The following PKLR variants were observed in gnomAD, a reference collection of about 807,000 sequenced individuals.
PKLR encodes the protein pyruvate kinase PKLR.
Under a neutral mutation model 53.6 loss-of-function variants are expected in PKLR, and 38 were observed. That is an observed-to-expected ratio of 0.71 (90% CI 0.55 to 0.93). The LOEUF (loss-of-function observed/expected upper bound fraction) is 0.93. Among genes scored for constraint, PKLR ranks in the 40% least tolerant of loss-of-function variants. The probability of loss-of-function intolerance (pLI) is 0.00; values close to 1 mark genes in which losing one functional copy is unlikely to be tolerated. For synonymous variants in PKLR, 328 were observed against 316.2 expected, an observed-to-expected ratio of 1.04 and a Z score of -0.39; for missense variants, 702 against 787.3, an observed-to-expected ratio of 0.89 and a Z score of 1.30.
chr1:155,298,974 CTT>C (rs1283904823), intron 2 of PKLR, among the ~76,000 whole-genome samples: 1 of 79,928 alleles, frequency 1.3e-5, no homozygotes, highest in Non-Finnish European at 2.3e-5. Context: ...TTCTTTCTTT[CTT>C]TCTTTCTTTC....
intron 2 of PKLR, among the ~76,000 whole-genome samples, chr1:155,296,192 C>T (rs1184969368): frequency 1.3e-5 from 2 of 152,154 alleles, no homozygotes; most frequent in Non-Finnish European, 2.9e-5. Flanking sequence ...TGCTATGGGG[C>T]AGCTGCTAGC....
Position 155,291,780 on chromosome 1 carries a change from G to A in PKLR, c.1594C>T (p.Arg532Trp), listed in dbSNP as rs201255024. ...CCACTTTCAATGCCAAATTGCACCC[G>A]GCGATCTACATCATCTGCCCAGATG... ...EAIWADDVDR[R>W]VQFGIESGKL... is the part of the protein sequence containing the mutation. The change falls in exon 10 of 11, where the codon CGG becomes TGG. Residue 532 changes from arginine to tryptophan, a missense_variant. Coordinates refer to ENST00000342741, the MANE Select transcript of PKLR (RefSeq NM_000298.6). The A allele has an allele frequency of 8.1e-6, 13 of 1,613,828 alleles. No homozygotes were observed. Among genetic ancestry groups the A allele is most frequent in the South Asian group, 2.2e-5 (2 of 91,078 alleles).
At chr1:155,291,648 C>G in intron 10 of PKLR, 108 bp downstream of exon 10, 1 of 948,642 alleles carries the variant, frequency 1.1e-6, no homozygotes, top group Non-Finnish European at 1.7e-6. Flanking sequence ...CAGGGAAAAC[C>G]TGGGACCACA....
In PKLR at chr1:155,294,732, G is replaced by A; in HGVS notation, c.715C>T (p.Gln239Ter). 6.2e-7 allele frequency: 1 copy of A among 1,613,956 alleles called. No individual in the cohort carries two copies. The change falls in exon 6 of 11, where the codon CAA (glutamine) becomes TAA (stop). Residue 239 changes from glutamine to a stop codon, truncating the protein, a stop_gained. Coordinates refer to ENST00000342741, the MANE Select transcript of PKLR (RefSeq NM_000298.6). LOFTEE classifies it high-confidence loss of function. ...QKIGPEGLVT[Q>*]VENGGVLGSR... ...CCCAGGACGCCGCCGTTCTCCACTTGGGTCACCAGTCCCTCTGGGCCTGCG... is the reference window on the plus strand; with the variant it reads ...CCCAGGACGCCGCCGTTCTCCACTTAGGTCACCAGTCCCTCTGGGCCTGCG...
Position 155,293,128 on chromosome 1 carries a change from C to A in PKLR, c.1436+49G>T. 6.3e-7 allele frequency: 1 copy of A among 1,582,680 alleles called. No individual in the cohort carries two copies. Among genetic ancestry groups the A allele is most frequent in the South Asian group, 1.1e-5 (1 of 90,520 alleles). On this transcript the variant is annotated intron_variant, in intron 9 of 10. Transcript: ENST00000342741. The surrounding 1 kb of genome is among the most constrained non-coding windows in gnomAD (Gnocchi z 4.2). Reference sequence around the variant, plus strand: ...ACCCAAGCCTGGGGCCCGTCCCAGCCCACCCCTGACCCAAAGCTCCATCTG... The same window carrying A: ...ACCCAAGCCTGGGGCCCGTCCCAGCACACCCCTGACCCAAAGCTCCATCTG...
chr1:155,298,632 TTC>T (rs1294976197), intron 2 of PKLR, among the ~76,000 whole-genome samples: 1,918 of 150,824 alleles, frequency 0.013, 47 homozygotes, highest in African/African-American at 0.045. Context: ...CAGCTTTTTT[TTC>T]TTTTTTTAAA....
chr1:155,300,813 C>T lies in PKLR; in HGVS notation c.100+483G>A, dbSNP rs1647949488. 1.2e-5 allele frequency: 19 copies of T among 1,576,488 alleles called. No individual in the cohort carries two copies. In the South Asian group the frequency reaches 1.9e-4, roughly 16 times the overall value. On this transcript the variant is annotated intron_variant, in intron 1 of 10. Transcript: ENST00000342741. ...AGTCTCCCCAGGCTTCTCAAAGCTGCTACAGACACAGAGGTCCCTGTAGCT... is the reference window on the plus strand; with the variant it reads ...AGTCTCCCCAGGCTTCTCAAAGCTGTTACAGACACAGAGGTCCCTGTAGCT...
intron 7 of PKLR, 56 bp downstream of exon 7, chr1:155,294,179 C>A: frequency 6.3e-7 from 1 of 1,581,694 alleles, no homozygotes; most frequent in Non-Finnish European, 8.7e-7. Flanking sequence ...TGGGTATTCA[C>A]CCACAGGTGT....
the PKLR span, among the ~76,000 whole-genome samples, chr1:155,308,372 C>T: frequency 3.3e-5 from 5 of 152,088 alleles, no homozygotes; most frequent in Admixed American, 6.6e-5. Context: ...CGGCCCAAGA[C>T]TCATCTTTCT....
At chr1:155,291,252 C>T (rs920079533) in intron 10 of PKLR, among the ~76,000 whole-genome samples, 20 of 152,014 alleles carry the variant, frequency 1.3e-4, no homozygotes, top group Non-Finnish European at 2.6e-4. Flanking sequence ...AATCCCAGCA[C>T]TCTGGGAGTC....
chr1:155,298,471 G>A (rs1468551908), intron 2 of PKLR, among the ~76,000 whole-genome samples: 4 of 151,708 alleles, frequency 2.6e-5, no homozygotes, highest in Admixed American at 1.3e-4. Flanking sequence ...TGGGATTACA[G>A]GCATGCACCA....
In PKLR at chr1:155,290,684, G is replaced by A. The variant is rs374329329; in HGVS notation, c.1619-6C>T. On this transcript the variant is annotated splice_region_variant and splice_polypyrimidine_tract_variant and intron_variant, in intron 10 of 10. Coordinates refer to ENST00000342741, the MANE Select transcript of PKLR (RefSeq NM_000298.6). ...GAGGAAGCCACGGAGCTTTCCTGGG[G>A]GAGGGAAAGAAAACAAATCATTGGA... 1 of 1,573,740 alleles carries A rather than the reference G, an allele frequency of 6.4e-7. No homozygotes were observed.
rs1321513395 is a variant in PKLR, at chr1:155,299,030, CTTTCT to C, written c.283+1063_283+1067del. On this transcript the variant is annotated intron_variant, in intron 2 of 10. Coordinates refer to ENST00000342741, the MANE Select transcript of PKLR (RefSeq NM_000298.6). ...TCTTTCTTTCTTTCTTTCTTTCTTTCTTTCTCTTTCTTTCTTTCTTTCCTTCCTTC... is the reference window on the plus strand; with the variant it reads ...TCTTTCTTTCTTTCTTTCTTTCTTTCCTTTCTTTCTTTCTTTCCTTCCTTC... Among the ~76,000 whole-genome samples, 650 of 84,718 alleles carry C rather than the reference CTTTCT, an allele frequency of 7.7e-3. 18 individuals are homozygous for C. Among genetic ancestry groups the C allele is most frequent in the Non-Finnish European group, 0.012 (543 of 43,566 alleles). 55.6% of individuals were successfully genotyped at this position (84,718 alleles called of 152,430 possible). A position where few individuals can be genotyped will look rare whatever the true frequency, so the allele number is the denominator to read the frequency against.
intron 2 of PKLR, among the ~76,000 whole-genome samples, chr1:155,296,687 CCTA>C (rs1647620815): frequency 6.6e-6 from 1 of 152,020 alleles, no homozygotes; most frequent in Non-Finnish European, 1.5e-5. Flanking sequence ...CGCAGGTAAA[CCTA>C]CTGTTATTTC....
upstream of PKLR, among the ~76,000 whole-genome samples, chr1:155,303,809 C>G (rs1414383491): frequency 6.6e-6 from 1 of 151,734 alleles, no homozygotes; most frequent in Non-Finnish European, 1.5e-5. Context: ...ATATTTTAGA[C>G]AAGATGAGAT....
rs1647326651 is a variant in PKLR, at chr1:155,293,282, G to C, written c.1331C>G (p.Ala444Gly). The change falls in exon 9 of 11, where the codon GCA (alanine) becomes GGA (glycine). Residue 444 changes from alanine to glycine, a missense_variant. Ala to Gly is a moderately conservative substitution (Grantham distance 60). Coordinates refer to ENST00000342741, the MANE Select transcript of PKLR (RefSeq NM_000298.6). This position sits in a 1 kb window ranked among gnomAD's most constrained non-coding sequence, Gnocchi z 4.2. Reference sequence around the variant, plus strand: ...AGTGGGATCACGGCTTAGTGGCGCTGCCCGACGTAGCTCCTCAAACAGCTG... The same window carrying C: ...AGTGGGATCACGGCTTAGTGGCGCTCCCCGACGTAGCTCCTCAAACAGCTG... ...HRQLFEELRR[A>G]APLSRDPTEV... 1 of 1,614,098 alleles carries C rather than the reference G, an allele frequency of 6.2e-7. No homozygotes were observed. Among genetic ancestry groups the C allele is most frequent in the Non-Finnish European group, 8.5e-7 (1 of 1,180,036 alleles).
chr1:155,299,334 G>A (rs1395006594), intron 2 of PKLR, among the ~76,000 whole-genome samples: 1 of 151,252 alleles, frequency 6.6e-6, no homozygotes, highest in African/African-American at 2.4e-5. Context: ...GGGACTACAG[G>A]CATGCACCAC....
chr1:155,293,532 G>T lies in PKLR; in HGVS notation c.1175C>A (p.Ala392Asp). The part of the protein sequence containing the change: ...RPTRAETSDV[A>D]NAVLDGADCI... ...GTCAGCCCCATCCAGCACAGCATTG[G>T]CGACATCGCTTGTCTCTGCCCTCGT... Residue 392 changes from alanine (A) to aspartate (D), a missense_variant, in exon 8 of 11, where the codon GCC (alanine) becomes GAC (aspartate). Physicochemically the swap from Ala to Asp is moderately radical, Grantham distance 126 (BLOSUM62 -2). Coordinates refer to ENST00000342741, the MANE Select transcript of PKLR (RefSeq NM_000298.6). This position sits in a 1 kb window ranked among gnomAD's most constrained non-coding sequence, Gnocchi z 4.2. 1 of 1,614,204 alleles carries T rather than the reference G, an allele frequency of 6.2e-7. No homozygotes were observed. Among genetic ancestry groups the T allele is most frequent in the Non-Finnish European group, 8.5e-7 (1 of 1,180,024 alleles).
In PKLR at chr1:155,290,209, C is replaced by A; in HGVS notation, c.*363G>T. 3.2e-6 allele frequency: 1 copy of A among 310,316 alleles called. No individual in the cohort carries two copies. The highest frequency in any genetic ancestry group is 6.2e-6 in the Non-Finnish European group (1 of 160,742). 19.2% of individuals were successfully genotyped at this position (310,316 alleles called of 1,614,324 possible). On this transcript the variant is annotated 3_prime_UTR_variant, in exon 11 of 11. Transcript: ENST00000342741. ...TGCCCTGTCTCCCCTCTCCCCCACC[C>A]CAAGGGATGGGATGCCTGGGGTTAT...
Sources: gnomAD v4.1 joint callset for allele counts (sites outside exome capture counted in the v4.1 genomes callset) on GRCh38, gnomAD v4.1.1 for gene constraint, Gnocchi (gnomAD v3.1) non-coding constraint, MANE v1.5 for transcripts, NCBI Gene and HGNC (gene_info 2026-07-23, HGNC 2026-07-21) for gene names.